The following GRIP1 variants were observed in gnomAD, a reference collection of about 807,000 sequenced individuals.
GRIP1 encodes the protein glutamate receptor interacting protein 1.
Under a neutral mutation model 129.9 loss-of-function variants are expected in GRIP1, and 45 were observed. The observed-to-expected ratio is 0.35, with a 90% CI of 0.27 to 0.44. The LOEUF (loss-of-function observed/expected upper bound fraction) is 0.44, where lower values mean the gene tolerates loss of function less well. Ranked by LOEUF, GRIP1 falls within the 20% of genes least tolerant of loss-of-function variation. GRIP1 has a pLI of 1.00. For missense variants in GRIP1, 1,196 were observed against 1,396.8 expected (o/e 0.86, Z 2.29); for synonymous variants, 530 against 520.8 (o/e 1.02, Z -0.24).
rs1169331519 is a variant in GRIP1 at position 66,451,383 on chromosome 12, G to GTT, written c.1354+4024_1354+4025dup. ...CCCCAAAGATTTATTATTATAATCT[G>GTT]TTTTTTTTTTTTTTTTTTTTTTTTT... On this transcript the variant is annotated intron_variant, in intron 11 of 24. Coordinates refer to ENST00000359742, the MANE Select transcript of GRIP1 (RefSeq NM_001366722.1). 1.5e-3 allele frequency among the ~76,000 whole-genome samples: 63 copies of GTT among 42,656 alleles called. 22 individuals are homozygous for GTT. The highest frequency in any genetic ancestry group is 1.6e-3 in the Non-Finnish European group (39 of 23,900). The allele number at this position is 42,656 out of a possible 152,430, so 28.0% of individuals were successfully genotyped here. A position where few individuals can be genotyped will look rare whatever the true frequency, so the allele number is the denominator to read the frequency against.
At chr12:67,024,642 T>C (rs1381258660) in intron 1 of GRIP1, among the ~76,000 whole-genome samples, 1 of 152,230 alleles carries the variant, frequency 6.6e-6, no homozygotes, top group Non-Finnish European at 1.5e-5. Context: ...TTATAAATTG[T>C]AGATAGGAAA....
chr12:66,837,197 T>C (rs1357418004), intron 1 of GRIP1, among the ~76,000 whole-genome samples: 2 of 152,250 alleles, frequency 1.3e-5, no homozygotes, highest in African/African-American at 4.8e-5. Flanking sequence ...GTACCCACTA[T>C]GAGCCATAAC....
At position 66,527,952 on chromosome 12, in the gene GRIP1, A is replaced by C. The variant is rs139591345; in HGVS notation, c.502+1879T>G. Among the ~76,000 whole-genome samples, 19 of 151,978 alleles carry C rather than the reference A, an allele frequency of 1.3e-4. 1 individual carries two copies. In the East Asian group the frequency reaches 3.7e-3, roughly 30 times the overall value. ...CCCCATGTAACAAACCTGAACATGT[A>C]CCCCTTGAACCTAAGATAGAAGTTG... On this transcript the variant is annotated intron_variant, in intron 5 of 24. Coordinates refer to ENST00000359742, the MANE Select transcript of GRIP1 (RefSeq NM_001366722.1).
chr12:66,914,119 C>G (rs966909908), intron 1 of GRIP1, among the ~76,000 whole-genome samples: 5 of 152,258 alleles, frequency 3.3e-5, no homozygotes, highest in African/African-American at 1.2e-4. Context: ...GAGACATTTT[C>G]TTTATCTGTA....
rs544665525 is a variant in GRIP1 at position 66,524,768 on chromosome 12, T to C, written c.502+5063A>G. Among the ~76,000 whole-genome samples, 3 of 152,052 alleles carry C rather than the reference T, an allele frequency of 2.0e-5. No individual in the cohort carries two copies. In the South Asian group the frequency reaches 6.2e-4, roughly 32 times the overall value. On this transcript the variant is annotated intron_variant, in intron 5 of 24. Transcript: ENST00000359742. Reference sequence around the variant, plus strand: ...TGGTTTTTTGAAAAGATCAACAAAATTGATAGACCACTAGCAAGACTAATA... The same window carrying C: ...TGGTTTTTTGAAAAGATCAACAAAACTGATAGACCACTAGCAAGACTAATA...
intron 16 of GRIP1, among the ~76,000 whole-genome samples, chr12:66,395,355 A>G (rs539524396): frequency 8.5e-5 from 13 of 152,368 alleles, no homozygotes; most frequent in African/African-American, 2.4e-4. Flanking sequence ...GAAATGGTTC[A>G]GTGGCTACTT....
At chr12:66,991,384 C>T (rs1392914978) in intron 1 of GRIP1, among the ~76,000 whole-genome samples, 8 of 152,164 alleles carry the variant, frequency 5.3e-5, no homozygotes, top group East Asian at 1.9e-4. Flanking sequence ...ATTAGAGACA[C>T]GGCTTCATTT....
chr12:66,543,803 A>G (rs938829150), intron 2 of GRIP1, among the ~76,000 whole-genome samples: 1 of 152,206 alleles, frequency 6.6e-6, no homozygotes, highest in Non-Finnish European at 1.5e-5. Flanking sequence ...AGAGTATCCT[A>G]TATATTTAGA....
intron 1 of GRIP1, among the ~76,000 whole-genome samples, chr12:66,748,541 A>G (rs1008079744): frequency 1.8e-4 from 27 of 152,160 alleles, no homozygotes; most frequent in African/African-American, 6.3e-4. Flanking sequence ...TATCTATCGT[A>G]AGTTCCAACT....
chr12:66,378,112 A>G (rs1222183467), intron 20 of GRIP1, among the ~76,000 whole-genome samples: 1 of 152,144 alleles, frequency 6.6e-6, no homozygotes. Flanking sequence ...TTTTAAAAAA[A>G]AAAAAAAGTA....
chr12:66,669,147 T>C (rs1287328424), intron 1 of GRIP1, among the ~76,000 whole-genome samples: 1 of 152,146 alleles, frequency 6.6e-6, no homozygotes, highest in Admixed American at 6.5e-5. Flanking sequence ...GCATGGTGGC[T>C]CACACCTGTA....
At chr12:67,029,425 T>C (rs1001929911) in intron 1 of GRIP1, among the ~76,000 whole-genome samples, 2 of 152,028 alleles carry the variant, frequency 1.3e-5, no homozygotes, top group African/African-American at 4.8e-5. Context: ...AAAAATTTTT[T>C]AAAACTGGTC....
chr12:66,546,991 T>C (rs1248569313), intron 2 of GRIP1, among the ~76,000 whole-genome samples: 1 of 151,960 alleles, frequency 6.6e-6, no homozygotes, highest in African/African-American at 2.4e-5. Context: ...CAGGAAAAAA[T>C]ATCTGCAAAC....
At chr12:66,504,448 T>C (rs968044274) in intron 7 of GRIP1, among the ~76,000 whole-genome samples, 5 of 152,208 alleles carry the variant, frequency 3.3e-5, no homozygotes, top group African/African-American at 1.2e-4. Flanking sequence ...GTCTAGTGGC[T>C]TGAATCTCAC....
intron 1 of GRIP1, among the ~76,000 whole-genome samples, chr12:66,794,646 G>A (rs2038644022): frequency 2.0e-5 from 3 of 152,086 alleles, no homozygotes; most frequent in Admixed American, 1.3e-4. Flanking sequence ...CTCTCTTTAA[G>A]CCTTAAACAA....
chr12:66,529,169 G>A (rs190863527), intron 5 of GRIP1, among the ~76,000 whole-genome samples: 263 of 152,258 alleles, frequency 1.7e-3, no homozygotes, highest in Middle Eastern at 0.01. Flanking sequence ...CAGTGAAAAG[G>A]GAACACTTCT....
At chr12:66,410,724 A>C (rs2057372308) in intron 15 of GRIP1, among the ~76,000 whole-genome samples, 1 of 152,192 alleles carries the variant, frequency 6.6e-6, no homozygotes, top group Non-Finnish European at 1.5e-5. Flanking sequence ...CAAAAGGCCA[A>C]ATCTAAGAGT....
At chr12:67,057,106 G>A (rs1029119900) in intron 1 of GRIP1, among the ~76,000 whole-genome samples, 2 of 152,072 alleles carry the variant, frequency 1.3e-5, no homozygotes, top group Non-Finnish European at 2.9e-5. Flanking sequence ...GTGAGCCACC[G>A]TGCCTGGCCG....
chr12:66,432,666 C>G, intron 13 of GRIP1, 38 bp from the exon 14 acceptor site: 1 of 1,129,042 alleles, frequency 8.9e-7, no homozygotes, highest in Non-Finnish European at 1.3e-6. Flanking sequence ...TAATAGAACA[C>G]TGAGGACTGG....
Sources: allele counts gnomAD v4.1 joint callset (sites outside exome capture counted in the v4.1 genomes callset), GRCh38; gene constraint gnomAD v4.1.1; transcripts MANE v1.5; gene names NCBI Gene and HGNC (gene_info 2026-07-23, HGNC 2026-07-21).